CNBD1: variants seen among roughly 807,000 people sequenced by gnomAD.
CNBD1 encodes cyclic nucleotide-binding domain-containing protein 1.
In CNBD1, 71 loss-of-function variants were observed where a neutral mutation model predicts 54.4. The observed-to-expected ratio is 1.30, with a 90% CI of 1.08 to 1.59. CNBD1 has a LOEUF of 1.59. Among genes scored for constraint, CNBD1 ranks in the 40% most tolerant of loss-of-function variants. The pLI, the probability that CNBD1 is intolerant of heterozygous loss-of-function variation, is 0.00. For synonymous variants in CNBD1, 182 were observed against 170.7 expected (o/e 1.07, Z -0.51); for missense variants, 659 against 518.0 (o/e 1.27, Z -2.64).
chr8:87,043,219 A>G (rs1810111279), intron 4 of CNBD1, among the ~76,000 whole-genome samples: 1 of 152,162 alleles, frequency 6.6e-6, no homozygotes, highest in Non-Finnish European at 1.5e-5. Flanking sequence ...GTTTGCAATT[A>G]GCCTTCTCTC....
intron 4 of CNBD1, among the ~76,000 whole-genome samples, chr8:87,170,111 AG>A (rs1813054736): frequency 6.6e-6 from 1 of 152,102 alleles, no homozygotes; most frequent in Non-Finnish European, 1.5e-5. Context: ...TTTTCATTGT[AG>A]AGAACTTTCA....
At chr8:87,071,273 G>T (rs1810754040) in intron 4 of CNBD1, among the ~76,000 whole-genome samples, 1 of 152,022 alleles carries the variant, frequency 6.6e-6, no homozygotes, top group Non-Finnish European at 1.5e-5. Context: ...AATATTTATA[G>T]TATTTTTAAT....
chr8:87,006,812 T>C (rs917697890), intron 4 of CNBD1, among the ~76,000 whole-genome samples: 6 of 152,266 alleles, frequency 3.9e-5, no homozygotes, highest in African/African-American at 1.4e-4. Context: ...TTTCTCTCCA[T>C]AATGTAAGTT....
At chr8:87,100,056 A>AT (rs1218361550) in intron 4 of CNBD1, among the ~76,000 whole-genome samples, 4 of 152,158 alleles carry the variant, frequency 2.6e-5, no homozygotes, top group African/African-American at 9.7e-5. Context: ...CCAGGAGAGG[A>AT]TATTTTCTTG....
intron 4 of CNBD1, among the ~76,000 whole-genome samples, chr8:87,141,068 T>C (rs1392123498): frequency 6.6e-6 from 1 of 152,214 alleles, no homozygotes; most frequent in African/African-American, 2.4e-5. Flanking sequence ...ATTATTTTTA[T>C]TTTTAAACAT....
chr8:87,100,153 A>G (rs1424737980), intron 4 of CNBD1, among the ~76,000 whole-genome samples: 1 of 152,202 alleles, frequency 6.6e-6, no homozygotes, highest in African/African-American at 2.4e-5. Context: ...AAAATTAACC[A>G]TAGCATCGAG....
chr8:87,423,980 G>T (rs200782108), intron 2 of CNBD1, among the ~76,000 whole-genome samples: 1 of 151,922 alleles, frequency 6.6e-6, no homozygotes, highest in Non-Finnish European at 1.5e-5. Flanking sequence ...TTCAGAGATT[G>T]AACTTCTTCC....
At chr8:87,252,377 G>A (rs1563524579) in intron 6 of CNBD1, among the ~76,000 whole-genome samples, 2 of 151,934 alleles carry the variant, frequency 1.3e-5, no homozygotes, top group African/African-American at 2.4e-5. Context: ...AATCAATTAC[G>A]TTTTTATTCC....
chr8:86,883,936 G>A (rs1316918611), intron 1 of CNBD1, among the ~76,000 whole-genome samples: 2 of 152,048 alleles, frequency 1.3e-5, no homozygotes, highest in African/African-American at 2.4e-5. Flanking sequence ...CGGATCACGA[G>A]GTCAGGAGAT....
intron 4 of CNBD1, among the ~76,000 whole-genome samples, chr8:87,121,305 AAAT>A (rs1339309038): frequency 6.6e-6 from 1 of 151,754 alleles, no homozygotes; most frequent in East Asian, 1.9e-4. Flanking sequence ...ATATTAGAAA[AAAT>A]AAAATTAGAC....
At chr8:87,193,901 G>T (rs949650408) in intron 4 of CNBD1, among the ~76,000 whole-genome samples, 2 of 152,260 alleles carry the variant, frequency 1.3e-5, no homozygotes, top group African/African-American at 4.8e-5. Context: ...ATAAGCAATA[G>T]TTACTATTTC....
At chr8:87,397,935 C>T (rs573721042) in intron 2 of CNBD1, among the ~76,000 whole-genome samples, 20 of 152,046 alleles carry the variant, frequency 1.3e-4, no homozygotes, top group Non-Finnish European at 2.2e-4. Context: ...CTGCCATTCA[C>T]GTAAGATGTG....
intron 3 of CNBD1, among the ~76,000 whole-genome samples, chr8:86,930,638 C>G (rs557637214): frequency 6.6e-6 from 1 of 152,156 alleles, no homozygotes; most frequent in Admixed American, 6.5e-5. Flanking sequence ...ATTCTGCTTC[C>G]TCTGGTATTT....
intron 2 of CNBD1, among the ~76,000 whole-genome samples, chr8:87,421,075 G>A (rs537981286): frequency 5.7e-4 from 87 of 151,872 alleles, no homozygotes; most frequent in African/African-American, 1.9e-3. Context: ...TTAAACATTT[G>A]GTTCTCAATA....
intron 4 of CNBD1, among the ~76,000 whole-genome samples, chr8:86,978,217 A>G (rs1257068150): frequency 6.6e-6 from 1 of 152,176 alleles, no homozygotes; most frequent in African/African-American, 2.4e-5. Flanking sequence ...TCCACTTTTT[A>G]CTAAAATCAA....
At chr8:87,139,798 C>T (rs1212485390) in intron 4 of CNBD1, among the ~76,000 whole-genome samples, 1 of 152,058 alleles carries the variant, frequency 6.6e-6, no homozygotes. Flanking sequence ...ACAGCCTCTC[C>T]TCTGTAGACA....
At chr8:87,378,938 T>G (rs572229528) in intron 10 of CNBD1, among the ~76,000 whole-genome samples, 1 of 149,678 alleles carries the variant, frequency 6.7e-6, no homozygotes, top group South Asian at 2.1e-4. Context: ...AGTTCACTCA[T>G]GATTTGGCTC....
chr8:87,252,272 C>G (rs1807931418), intron 6 of CNBD1, among the ~76,000 whole-genome samples: 1 of 152,096 alleles, frequency 6.6e-6, no homozygotes, highest in Non-Finnish European at 1.5e-5. Context: ...CCCTTCATAT[C>G]TAAGTATATA....
At chr8:86,871,739 A>T (rs1247248942) in intron 1 of CNBD1, among the ~76,000 whole-genome samples, 1 of 152,186 alleles carries the variant, frequency 6.6e-6, no homozygotes, top group African/African-American at 2.4e-5. Context: ...TTCCATAAGG[A>T]CACTGTTAGG....
Sources: allele counts gnomAD v4.1 joint callset (sites outside exome capture counted in the v4.1 genomes callset), GRCh38; gene constraint gnomAD v4.1.1; transcripts MANE v1.5; gene names NCBI Gene and HGNC (gene_info 2026-07-23, HGNC 2026-07-21).